SLC14A2: variants seen among roughly 807,000 people sequenced by gnomAD.
SLC14A2 encodes the protein urea transporter 2.
SLC14A2 carries 91 observed loss-of-function variants against 104.6 expected under a neutral mutation model. That is an observed-to-expected ratio of 0.87 (90% confidence interval 0.73 to 1.04). The LOEUF is 1.04. SLC14A2 is among the 50% of genes least tolerant of loss of function. The pLI is 0.00. For synonymous variants in SLC14A2, 476 were observed against 466.4 expected, an observed-to-expected ratio of 1.02 and a Z score of -0.27; for missense variants, 1,189 against 1,156.0, an observed-to-expected ratio of 1.03 and a Z score of -0.41.
At chr18:45,328,844 C>A (rs2085262063) in intron 1 of SLC14A2, among the ~76,000 whole-genome samples, 1 of 152,170 alleles carries the variant, frequency 6.6e-6, no homozygotes, top group Non-Finnish European at 1.5e-5. Context: ...CAAACCCAAA[C>A]AAACTCAAAA....
At chr18:45,652,667 C>T (rs9955441) in intron 10 of SLC14A2, among the ~76,000 whole-genome samples, 140,737 of 152,266 alleles carry the variant, frequency 0.92, 65,411 homozygotes, top group Non-Finnish European at 0.97. Flanking sequence ...TGTTCTGAAG[C>T]GAATTTCAAT....
At chr18:45,577,513 C>T (rs76939442) in intron 2 of SLC14A2, among the ~76,000 whole-genome samples, 1,927 of 152,244 alleles carry the variant, frequency 0.013, 19 homozygotes, top group Non-Finnish European at 0.021. Flanking sequence ...AGAGTATTCA[C>T]AAAATGTCAT....
chr18:45,307,280 T>G (rs71356485), intron 1 of SLC14A2, among the ~76,000 whole-genome samples: 61 of 150,698 alleles, frequency 4.0e-4, no homozygotes, highest in Admixed American at 5.9e-4. Flanking sequence ...TAGCTGGGTG[T>G]GGTGGTGGAT....
chr18:45,202,533 G>A, the SLC14A2 span, among the ~76,000 whole-genome samples: 2 of 152,072 alleles, frequency 1.3e-5, no homozygotes, highest in African/African-American at 4.8e-5. Context: ...TATTATTTTT[G>A]TTTCGTTTTG....
upstream of SLC14A2, among the ~76,000 whole-genome samples, chr18:45,208,380 C>T (rs58235358): frequency 6.4e-3 from 978 of 152,208 alleles, 20 homozygotes; most frequent in African/African-American, 0.022. Flanking sequence ...ACCCTGCTTG[C>T]GGACGTTCAT....
Position 45,654,137 on chromosome 18 carries a change from T to TG in SLC14A2, c.1352-9641dup, listed in dbSNP as rs10625342. ...GGAAATAGTCTTTTGGCAGGAATGC[T>TG]GGGGGGGACGTGGGTGAGCTGCAGA... On this transcript the variant is annotated intron_variant, in intron 10 of 19. Transcript: ENST00000255226. 9.6e-4 allele frequency among the ~76,000 whole-genome samples: 144 copies of TG among 149,818 alleles called. 3 individuals are homozygous for TG. The highest frequency in any genetic ancestry group is 4.7e-3 in the East Asian group (24 of 5,062).
Position 45,501,679 on chromosome 18 carries a change from G to A in SLC14A2, c.-35+18357G>A, listed in dbSNP as rs1012041983. On this transcript the variant is annotated intron_variant, in intron 2 of 20. Coordinates refer to the SLC14A2 transcript ENST00000586448. ...AGTACCCAGAACACAGTCAAGGTCC[G>A]ATAATGAATTACCCAGTCAGAGCAG... Among the ~76,000 whole-genome samples the A allele has an allele frequency of 4.6e-5, 7 of 152,186 alleles. No individual in the cohort carries two copies. In the South Asian group the frequency reaches 6.2e-4, roughly 14 times the overall value.
chr18:45,432,378 G>A lies in SLC14A2; in HGVS notation c.-124-50855G>A, dbSNP rs148519210. ...ATTATGAAACCATCCTCCAAAGAACGTAGCTACAAAAATAATAGGTGATTA... is the reference window on the plus strand; with the variant it reads ...ATTATGAAACCATCCTCCAAAGAACATAGCTACAAAAATAATAGGTGATTA... On this transcript the variant is annotated intron_variant, in intron 1 of 20. Transcript: ENST00000586448. Among the ~76,000 whole-genome samples the A allele has an allele frequency of 7.3e-3, 1,117 of 152,234 alleles. 19 individuals are homozygous for A. The highest frequency in any genetic ancestry group is 0.073 in the South Asian group (349 of 4,810).
intron 2 of SLC14A2, among the ~76,000 whole-genome samples, chr18:45,606,743 AAAAACAAAACAAAAAC>A (rs779801578): frequency 0.17 from 14,519 of 87,012 alleles, 954 homozygotes; most frequent in East Asian, 0.24. Flanking sequence ...TTAAAAAAAA[AAAAACAAAACAAAAAC>A]AAAAAAAAAA....
chr18:45,664,013 G>A, intron 11 of SLC14A2, 106 bp downstream of exon 11: 1 of 1,234,176 alleles, frequency 8.1e-7, no homozygotes. Flanking sequence ...AGACCCGCTG[G>A]AGTCAGACTT....
chr18:45,565,636 A>G (rs2044256316), intron 2 of SLC14A2, among the ~76,000 whole-genome samples: 1 of 152,192 alleles, frequency 6.6e-6, no homozygotes, highest in Admixed American at 6.5e-5. Context: ...TCGGTGGCAG[A>G]ACTCAAGCTG....
chr18:45,578,982 C>T (rs1214690531), intron 2 of SLC14A2, among the ~76,000 whole-genome samples: 1 of 152,196 alleles, frequency 6.6e-6, no homozygotes, highest in Non-Finnish European at 1.5e-5. Context: ...GAGGTCTTGG[C>T]TGTGATGAAT....
chr18:45,499,215 T>C (rs1219910478), intron 2 of SLC14A2, among the ~76,000 whole-genome samples: 2 of 152,232 alleles, frequency 1.3e-5, no homozygotes, highest in African/African-American at 4.8e-5. Flanking sequence ...CCCCAAAATG[T>C]CATTTTATTG....
intron 1 of SLC14A2, among the ~76,000 whole-genome samples, chr18:45,334,939 C>A (rs891659588): frequency 6.6e-6 from 1 of 152,198 alleles, no homozygotes; most frequent in Admixed American, 6.5e-5. Context: ...ATGTTCACCT[C>A]CTGACTTGGT....
At chr18:45,511,366 T>A (rs986037706) in intron 2 of SLC14A2, among the ~76,000 whole-genome samples, 1 of 152,170 alleles carries the variant, frequency 6.6e-6, no homozygotes, top group Admixed American at 6.5e-5. Flanking sequence ...AACATTAATT[T>A]TTCAGACTCT....
the SLC14A2 span, chr18:45,168,940 A>C: frequency 6.6e-6 from 1 of 152,224 alleles, no homozygotes; most frequent in Non-Finnish European, 1.5e-5. Context: ...GTTTTGCATC[A>C]TGAGACCAAA....
At chr18:45,488,832 C>T (rs2087663341) in intron 2 of SLC14A2, among the ~76,000 whole-genome samples, 1 of 152,126 alleles carries the variant, frequency 6.6e-6, no homozygotes, top group Non-Finnish European at 1.5e-5. Context: ...CTGATTTGTT[C>T]CCACCCTTTA....
At chr18:45,495,587 A>G (rs1225529729) in intron 2 of SLC14A2, among the ~76,000 whole-genome samples, 1 of 152,190 alleles carries the variant, frequency 6.6e-6, no homozygotes, top group East Asian at 1.9e-4. Flanking sequence ...ATATCAATGT[A>G]CATTTCTATG....
At position 45,274,270 on chromosome 18, in the gene SLC14A2, G is replaced by T. The variant is rs142621738; in HGVS notation, c.-125+61079G>T. On this transcript the variant is annotated intron_variant, in intron 1 of 20. Coordinates refer to the SLC14A2 transcript ENST00000586448. The stretch of plus-strand genomic sequence containing the variant: ...TTCATGCAAGATGTGTGTTGTTCTT[G>T]TTAACGAGGCTAAACATCTGGCTGA... Among the ~76,000 whole-genome samples the T allele has an allele frequency of 7.2e-5, 11 of 152,276 alleles. No individual in the cohort carries two copies. The East Asian group carries it at 2.1e-3, about 29-fold the overall frequency.
Sources: gnomAD v4.1 joint callset for allele counts (sites outside exome capture counted in the v4.1 genomes callset) on GRCh38, gnomAD v4.1.1 for gene constraint, MANE v1.5 for transcripts, NCBI Gene and HGNC (gene_info 2026-07-23, HGNC 2026-07-21) for gene names.